The following COL5A2 variants were observed in gnomAD, a reference collection of about 807,000 sequenced individuals.
COL5A2 encodes the protein collagen type V alpha 2 chain, also known as collagen alpha-2(V) chain.
Under a neutral mutation model 208.2 loss-of-function variants are expected in COL5A2, and 23 were observed. That is an observed-to-expected ratio of 0.11 (90% CI 0.08 to 0.16). COL5A2 has a LOEUF of 0.16. Among genes scored for constraint, COL5A2 ranks in the 10% least tolerant of loss-of-function variants. The pLI, the probability that COL5A2 is intolerant of heterozygous loss-of-function variation, is 1.00. For missense variants in COL5A2, 1,590 were observed against 1,956.4 expected (o/e 0.81, Z 3.53); for synonymous variants, 625 against 628.5 (o/e 0.99, Z 0.08).
At position 189,058,370 on chromosome 2, in the gene COL5A2, C is replaced by T. The variant is rs143651488; in HGVS notation, c.2229+59G>A. The T allele has an allele frequency of 1.5e-3, 1,925 of 1,245,630 alleles. 19 individuals carry two copies. In the African/African-American group the frequency reaches 0.022, roughly 14 times the overall value. 77.2% of individuals were successfully genotyped at this position (1,245,630 alleles called of 1,614,324 possible). ...ACAAATGCATTCTCACACCATCATGCGTTTATTAAGCAGTAATTTTAAAGC... is the reference window on the plus strand; with the variant it reads ...ACAAATGCATTCTCACACCATCATGTGTTTATTAAGCAGTAATTTTAAAGC... On this transcript the variant is annotated intron_variant, in intron 33 of 53. Transcript: ENST00000374866.
the COL5A2 span, among the ~76,000 whole-genome samples, chr2:189,331,760 C>T: frequency 6.6e-6 from 1 of 151,884 alleles, no homozygotes; most frequent in Non-Finnish European, 1.5e-5. Flanking sequence ...AAAATCCTGG[C>T]TAACATGGTG....
At chr2:189,223,109 T>C (rs1252413588) in intron 1 of COL5A2, among the ~76,000 whole-genome samples, 1 of 152,174 alleles carries the variant, frequency 6.6e-6, no homozygotes, top group Non-Finnish European at 1.5e-5. Flanking sequence ...TATAAATTAG[T>C]TTTATAACAA....
Position 189,137,279 on chromosome 2 carries a change from C to A in COL5A2, c.98-26830G>T, listed in dbSNP as rs147587915. Reference sequence around the variant, plus strand: ...CACAGAAAATGAAGTCCTACTCTTACATGAGAGATGTCTTCTGAAGTTTTG... The same window carrying A: ...CACAGAAAATGAAGTCCTACTCTTAAATGAGAGATGTCTTCTGAAGTTTTG... On this transcript the variant is annotated intron_variant, in intron 1 of 53. Transcript: ENST00000374866. Among the ~76,000 whole-genome samples the A allele has an allele frequency of 2.2e-3, 337 of 152,294 alleles. 2 individuals are homozygous for A. Among genetic ancestry groups the A allele is most frequent in the African/African-American group, 7.9e-3 (327 of 41,570 alleles).
intron 7 of COL5A2, among the ~76,000 whole-genome samples, chr2:189,091,050 T>A (rs1018409304): frequency 3.9e-5 from 6 of 152,238 alleles, no homozygotes; most frequent in African/African-American, 1.2e-4. Flanking sequence ...AAAGGATTTA[T>A]CATTCTAGGT....
chr2:189,098,479 T>C (rs934337289), intron 5 of COL5A2, among the ~76,000 whole-genome samples: 1 of 152,230 alleles, frequency 6.6e-6, no homozygotes, highest in South Asian at 2.1e-4. Flanking sequence ...ATAAAGTGTT[T>C]TGTCTTTTAC....
intron 8 of COL5A2, among the ~76,000 whole-genome samples, chr2:189,087,782 C>A (rs1686696637): frequency 6.6e-6 from 1 of 151,610 alleles, no homozygotes; most frequent in Non-Finnish European, 1.5e-5. Context: ...CAAATTTATT[C>A]TTATGGCAAG....
chr2:189,204,887 G>T (rs1689124255), intron 1 of COL5A2, among the ~76,000 whole-genome samples: 1 of 152,132 alleles, frequency 6.6e-6, no homozygotes, highest in Non-Finnish European at 1.5e-5. Context: ...GTGACCCCAG[G>T]TCTTGGGATC....
At chr2:189,131,980 G>T (rs1343372556) in intron 1 of COL5A2, among the ~76,000 whole-genome samples, 1 of 152,114 alleles carries the variant, frequency 6.6e-6, no homozygotes, top group East Asian at 1.9e-4. Flanking sequence ...ACTGAACTTT[G>T]GGTTAATTCA....
chr2:189,179,390 C>T (rs1688740965), intron 1 of COL5A2, 118 bp downstream of exon 1: 1 of 1,138,044 alleles, frequency 8.8e-7, no homozygotes, highest in African/African-American at 1.5e-5. Context: ...AATCCGTCAG[C>T]CCCCTTCTCA....
At chr2:189,143,585 T>C (rs1459364920) in intron 1 of COL5A2, among the ~76,000 whole-genome samples, 1 of 152,202 alleles carries the variant, frequency 6.6e-6, no homozygotes, top group African/African-American at 2.4e-5. Flanking sequence ...AGGTTCTAAA[T>C]ATCCATTGTG....
chr2:189,230,307 G>A (rs1161488522), upstream of COL5A2, among the ~76,000 whole-genome samples: 6 of 151,556 alleles, frequency 4.0e-5, no homozygotes, highest in Non-Finnish European at 7.4e-5. Context: ...CACAGGCAAC[G>A]AAAGCAAAAA....
chr2:189,245,768 A>G, the COL5A2 span, among the ~76,000 whole-genome samples: 1 of 152,154 alleles, frequency 6.6e-6, no homozygotes, highest in African/African-American at 2.4e-5. Flanking sequence ...CTTAACTGCA[A>G]TATGGTCAAG....
At chr2:189,376,686 G>C in the COL5A2 span, among the ~76,000 whole-genome samples, 2 of 152,146 alleles carry the variant, frequency 1.3e-5, no homozygotes, top group Non-Finnish European at 2.9e-5. Flanking sequence ...GCAGTTGTAA[G>C]AATCCTATAA....
chr2:189,041,011 C>T (rs953278310), intron 50 of COL5A2, among the ~76,000 whole-genome samples: 1 of 152,162 alleles, frequency 6.6e-6, no homozygotes, highest in Non-Finnish European at 1.5e-5. Context: ...GAAGCATAAG[C>T]TCATATACAA....
the COL5A2 span, among the ~76,000 whole-genome samples, chr2:189,262,282 C>T: frequency 6.6e-6 from 1 of 152,052 alleles, no homozygotes. Context: ...CCAAACCCTA[C>T]CTTCAGTTTT....
the COL5A2 span, among the ~76,000 whole-genome samples, chr2:189,395,895 T>A: frequency 8.4e-5 from 4 of 47,542 alleles, no homozygotes; most frequent in East Asian, 6.4e-4. Flanking sequence ...CTAGGACACA[T>A]CTCAAAAAAA....
the COL5A2 span, among the ~76,000 whole-genome samples, chr2:189,420,031 G>T: frequency 4.8e-5 from 6 of 125,954 alleles, no homozygotes; most frequent in Non-Finnish European, 9.7e-5. Flanking sequence ...AGGAGGAAAA[G>T]AAAGAGAATA....
chr2:189,086,548 A>G (rs1009306568), intron 9 of COL5A2, among the ~76,000 whole-genome samples, 178 bp downstream of exon 9: 2 of 152,224 alleles, frequency 1.3e-5, no homozygotes, highest in African/African-American at 4.8e-5. Context: ...TAAACTTTGC[A>G]AAGACATGTG....
chr2:189,275,607 C>G, the COL5A2 span, among the ~76,000 whole-genome samples: 1 of 152,012 alleles, frequency 6.6e-6, no homozygotes, highest in African/African-American at 2.4e-5. Flanking sequence ...GCACGCGCCA[C>G]CACCCTGGCT....
Sources: gnomAD v4.1 joint callset for allele counts (sites outside exome capture counted in the v4.1 genomes callset) on GRCh38, gnomAD v4.1.1 for gene constraint, MANE v1.5 for transcripts, NCBI Gene and HGNC (gene_info 2026-07-23, HGNC 2026-07-21) for gene names.